FSAF1: variants seen among roughly 807,000 people sequenced by gnomAD.
FSAF1 encodes the protein 40S small subunit processome assembly factor 1, also known as uncharacterized protein C1orf131.
At chr1:231,239,086 G>C in the FSAF1 span, 1 of 1,614,084 alleles carries the variant, frequency 6.2e-7, no homozygotes, top group East Asian at 2.2e-5. Context: ...ACCAGGTAGG[G>C]GAGATGGCTC....
chr1:231,230,474 C>G, the FSAF1 span, among the ~76,000 whole-genome samples: 5 of 152,186 alleles, frequency 3.3e-5, no homozygotes, highest in Admixed American at 2.0e-4. Flanking sequence ...CTGCAAATGC[C>G]CCCAAAATAT....
the FSAF1 span, chr1:231,238,626 G>C: frequency 2.5e-5 from 11 of 446,278 alleles, no homozygotes; most frequent in Admixed American, 3.7e-5. Context: ...GTGATTGATG[G>C]TGAATACCTG....
chr1:231,228,245 G>C, the FSAF1 span, among the ~76,000 whole-genome samples: 27 of 152,026 alleles, frequency 1.8e-4, no homozygotes, highest in Non-Finnish European at 3.4e-4. Flanking sequence ...ACTTACCATC[G>C]TATCAGTGGC....
the FSAF1 span, chr1:231,238,679 T>C: frequency 3.5e-6 from 2 of 573,108 alleles, no homozygotes; most frequent in East Asian, 2.8e-5. Context: ...AAGGTCAGTC[T>C]GTAGGCCTAC....
chr1:231,226,596 T>A, the FSAF1 span: 2 of 766,300 alleles, frequency 2.6e-6, no homozygotes, highest in Non-Finnish European at 4.5e-6. Context: ...TAAACAGAGC[T>A]AACTCGAAGA....
chr1:231,226,715 T>A, the FSAF1 span: 1 of 1,566,012 alleles, frequency 6.4e-7, no homozygotes, highest in African/African-American at 1.4e-5. Context: ...TCTAGTTGAA[T>A]AAAGGACAGA....
At chr1:231,231,022 G>A in the FSAF1 span, among the ~76,000 whole-genome samples, 4 of 152,218 alleles carry the variant, frequency 2.6e-5, no homozygotes, top group Non-Finnish European at 5.9e-5. Flanking sequence ...GGACGTGACA[G>A]CAGAGGACCA....
the FSAF1 span, chr1:231,229,214 G>C: frequency 6.4e-7 from 1 of 1,561,252 alleles, no homozygotes; most frequent in Non-Finnish European, 8.7e-7. Flanking sequence ...AGCCTGCTGA[G>C]AGAAAAAATT....
the FSAF1 span, chr1:231,241,060 G>T: frequency 6.2e-7 from 1 of 1,613,896 alleles, no homozygotes. Flanking sequence ...GCGTCAAGAA[G>T]TGTCGGAGAA....
At chr1:231,231,894 G>A in the FSAF1 span, among the ~76,000 whole-genome samples, 2 of 152,132 alleles carry the variant, frequency 1.3e-5, no homozygotes, top group African/African-American at 4.8e-5. Context: ...GAGTCCCTTG[G>A]TGGTAGCTCT....
chr1:231,238,852 A>G, the FSAF1 span: 11 of 1,607,724 alleles, frequency 6.8e-6, no homozygotes, highest in Non-Finnish European at 9.3e-6. Flanking sequence ...TAACCAACTC[A>G]TTACCTTTGT....
At chr1:231,230,968 C>T in the FSAF1 span, among the ~76,000 whole-genome samples, 5 of 152,234 alleles carry the variant, frequency 3.3e-5, no homozygotes, top group Non-Finnish European at 7.3e-5. Flanking sequence ...TCACATTGGA[C>T]GCTGACTGGC....
chr1:231,231,922 C>G, the FSAF1 span, among the ~76,000 whole-genome samples: 2 of 152,122 alleles, frequency 1.3e-5, no homozygotes, highest in African/African-American at 2.4e-5. Context: ...ACACAGATAC[C>G]TCGGTGTCCT....
the FSAF1 span, chr1:231,225,412 G>C: frequency 6.6e-7 from 1 of 1,520,130 alleles, no homozygotes; most frequent in Non-Finnish European, 9.1e-7. Flanking sequence ...GTCCTTGTCA[G>C]AACTCATCAG....
the FSAF1 span, among the ~76,000 whole-genome samples, chr1:231,229,627 C>T: frequency 2.6e-5 from 4 of 152,150 alleles, no homozygotes; most frequent in Non-Finnish European, 4.4e-5. Flanking sequence ...TACTTTTGAA[C>T]GTGGCATATA....
chr1:231,224,181 A>G, the FSAF1 span: 1 of 1,323,876 alleles, frequency 7.6e-7, no homozygotes, highest in Non-Finnish European at 1.0e-6. Flanking sequence ...CAGTCTGTGA[A>G]ATGCGTGTTA....
chr1:231,229,294 A>G, the FSAF1 span: 1 of 932,154 alleles, frequency 1.1e-6, no homozygotes, highest in Non-Finnish European at 1.6e-6. Flanking sequence ...GTTTTAAGGA[A>G]CCTGAAAGTG....
At chr1:231,231,552 T>A in the FSAF1 span, among the ~76,000 whole-genome samples, 9 of 152,106 alleles carry the variant, frequency 5.9e-5, no homozygotes, top group African/African-American at 1.4e-4. Flanking sequence ...CAGGCTGGAG[T>A]GCAGTGGCGC....
chr1:231,231,300 T>C, the FSAF1 span, among the ~76,000 whole-genome samples: 1 of 152,204 alleles, frequency 6.6e-6, no homozygotes, highest in Non-Finnish European at 1.5e-5. Context: ...TACGATATCT[T>C]TTCCACTGCC....
Sources: gnomAD v4.1 joint callset for allele counts (sites outside exome capture counted in the v4.1 genomes callset) on GRCh38, gnomAD v4.1.1 for gene constraint, MANE v1.5 for transcripts, NCBI Gene and HGNC (gene_info 2026-07-23, HGNC 2026-07-21) for gene names.